ATAT1: variants seen among roughly 807,000 people sequenced by gnomAD.
The protein encoded by ATAT1 is alpha tubulin acetyltransferase 1, also known as alpha-tubulin N-acetyltransferase 1.
Under a neutral mutation model 57.2 loss-of-function variants are expected in ATAT1, and 42 were observed. The observed-to-expected ratio is 0.73, with a 90% CI of 0.57 to 0.95. The LOEUF is 0.95. Ranked by LOEUF, ATAT1 falls within the 40% of genes least tolerant of loss-of-function variation. The probability of loss-of-function intolerance (pLI) is 0.00; values close to 1 mark genes in which losing one functional copy is unlikely to be tolerated. For synonymous variants in ATAT1, 168 were observed against 187.1 expected (o/e 0.90, Z 0.83); for missense variants, 454 against 523.7 (o/e 0.87, Z 1.30).
Position 30,646,799 on chromosome 6 carries a change from A to G in ATAT1, c.*156A>G. The G allele has an allele frequency of 1.6e-6, 2 of 1,228,290 alleles. No homozygotes were observed. Among genetic ancestry groups the G allele is most frequent in the Non-Finnish European group, 2.2e-6 (2 of 926,676 alleles). 76.1% of individuals were successfully genotyped at this position (1,228,290 alleles called of 1,614,324 possible). A position where few individuals can be genotyped will look rare whatever the true frequency, so the allele number is the denominator to read the frequency against. ...ATTTGTATCTTTTAACCAGACCAATAAAAGTATTTATTTTTATCACAAGAG... is the reference window on the plus strand; with the variant it reads ...ATTTGTATCTTTTAACCAGACCAATGAAAGTATTTATTTTTATCACAAGAG... On this transcript the variant is annotated 3_prime_UTR_variant, in exon 13 of 13. Coordinates refer to ENST00000330083, the MANE Select transcript of ATAT1 (RefSeq NM_001031722.4).
intron 10 of ATAT1, chr6:30,644,606 C>T: frequency 1.0e-6 from 1 of 985,278 alleles, no homozygotes; most frequent in Non-Finnish European, 1.2e-6. Context: ...TCAGTGTTGT[C>T]TGAATAAAGT....
chr6:30,644,332 C>T (rs1474454949), intron 10 of ATAT1: 8 of 985,644 alleles, frequency 8.1e-6, no homozygotes, highest in Non-Finnish European at 9.6e-6. Flanking sequence ...TTGCATCCAT[C>T]CCTCCCTGGT....
At position 30,628,040 on chromosome 6, in the gene ATAT1, T is replaced by C. The variant is rs1299271957; in HGVS notation, c.294T>C (p.Arg98=). The C allele has an allele frequency of 6.2e-7, 1 of 1,612,964 alleles. No individual in the cohort carries two copies. The stretch of plus-strand genomic sequence containing the variant: ...TATTGTTTCTCTCTTAGGATGATCG[T>C]GAGGCTCATAATGAGGTAGAACCAC... The change falls in exon 5 of 13, where the codon CGT becomes CGC. Residue 98 remains arginine (R), a synonymous_variant. Coordinates refer to ENST00000330083, the MANE Select transcript of ATAT1 (RefSeq NM_001031722.4).
At chr6:30,641,351 C>T (rs917136860) in intron 8 of ATAT1, among the ~76,000 whole-genome samples, 2 of 152,216 alleles carry the variant, frequency 1.3e-5, no homozygotes, top group Non-Finnish European at 2.9e-5. Flanking sequence ...CACCTCAACT[C>T]GCTTTGGTTT....
chr6:30,641,884 T>C (rs3132608), intron 8 of ATAT1: 57,595 of 1,234,432 alleles, frequency 0.047, 2,524 homozygotes, highest in African/African-American at 0.2. Context: ...AGAGCTCACT[T>C]CCCTTGGCTG....
rs563394783 is a variant in ATAT1 at position 30,646,729 on chromosome 6, ACATTCATT to A, written c.*101_*108del. On this transcript the variant is annotated 3_prime_UTR_variant, in exon 13 of 13. Coordinates refer to ENST00000330083, the MANE Select transcript of ATAT1 (RefSeq NM_001031722.4). ...AGCCCAACCCTCATAATAGATGGAT[ACATTCATT>A]CATTCATTCATTCAGCAGGCTTATC... The A allele has an allele frequency of 4.3e-6, 6 of 1,398,260 alleles. No homozygotes were observed. In the African/African-American group the frequency reaches 4.4e-5, roughly 10 times the overall value. 86.6% of individuals were successfully genotyped at this position (1,398,260 alleles called of 1,614,324 possible).
chr6:30,640,343 T>C (rs1280033879), intron 6 of ATAT1, 34 bp from the exon 7 acceptor site: 3 of 1,609,902 alleles, frequency 1.9e-6, no homozygotes, highest in Non-Finnish European at 2.5e-6. Flanking sequence ...CGTTAAGTGA[T>C]GCATGATTGT....
At chr6:30,642,082 A>G in intron 8 of ATAT1, 94 bp from the exon 9 acceptor site, 2 of 1,594,352 alleles carry the variant, frequency 1.3e-6, no homozygotes, top group Non-Finnish European at 1.7e-6. Context: ...GGTGTCAGGG[A>G]GCAGAGGTTT....
At chr6:30,645,531 T>C (rs1766540546) in intron 10 of ATAT1, among the ~76,000 whole-genome samples, 3 of 152,178 alleles carry the variant, frequency 2.0e-5, no homozygotes, top group African/African-American at 2.4e-5. Flanking sequence ...AGGAATCTTA[T>C]AGTTAAGGTA....
At chr6:30,631,873 G>A (rs1184593461) in intron 6 of ATAT1, among the ~76,000 whole-genome samples, 1 of 152,166 alleles carries the variant, frequency 6.6e-6, no homozygotes, top group Non-Finnish European at 1.5e-5. Context: ...CCGTGAGGTG[G>A]GAGTGTGCCT....
intron 6 of ATAT1, among the ~76,000 whole-genome samples, chr6:30,635,149 G>A (rs1380179949): frequency 6.6e-6 from 1 of 152,174 alleles, no homozygotes; most frequent in East Asian, 1.9e-4. Context: ...TGAAATGGCT[G>A]CTTATTTATT....
chr6:30,646,585 T>C lies in ATAT1; in HGVS notation c.1172T>C (p.Ile391Thr). The C allele has an allele frequency of 6.3e-7, 1 of 1,578,692 alleles. No individual in the cohort carries two copies. Among genetic ancestry groups the C allele is most frequent in the African/African-American group, 1.3e-5 (1 of 74,120 alleles). The change falls in exon 13 of 13, where the codon ATA becomes ACA. Residue 391 changes from isoleucine to threonine, a missense_variant. This residue lies in a region of ATAT1 where 216 missense variants were observed against 222.2 expected (regional missense o/e 0.97). Transcript: ENST00000330083. ...CAGTCCTGGACAGTGGGTGGGGACA[T>C]ACTCAACGCCAGGTTCATTCGAAAC...
rs180846375 is a variant in ATAT1, at chr6:30,642,088, G to A, written c.617-88G>A. 5.8e-3 allele frequency: 9,357 copies of A among 1,601,142 alleles called. 46 individuals carry two copies. The highest frequency in any genetic ancestry group is 7.3e-3 in the Non-Finnish European group (8,503 of 1,170,992). On this transcript the variant is annotated intron_variant, in intron 8 of 12. Transcript: ENST00000330083. Reference sequence around the variant, plus strand: ...AGGAACTGTGGTGTCAGGGAGCAGAGGTTTGGGGTTGGGGTATAGTGGCTG... The same window carrying A: ...AGGAACTGTGGTGTCAGGGAGCAGAAGTTTGGGGTTGGGGTATAGTGGCTG...
chr6:30,645,256 G>T (rs1428850022), intron 10 of ATAT1, among the ~76,000 whole-genome samples: 2 of 147,540 alleles, frequency 1.4e-5, no homozygotes, highest in Non-Finnish European at 3.0e-5. Context: ...TTGCTCTGTC[G>T]CCAGGCTGGA....
At position 30,634,333 on chromosome 6, in the gene ATAT1, C is replaced by T. The variant is rs537216748; in HGVS notation, c.501+5903C>T. 2.0e-5 allele frequency among the ~76,000 whole-genome samples: 3 copies of T among 152,114 alleles called. No individual in the cohort carries two copies. The East Asian group carries it at 5.8e-4, about 29-fold the overall frequency. Reference sequence around the variant, plus strand: ...TGGTGCGATCTTGGCTCACCGCAAGCTCCACCTCCTGGGTTCAAGTGATTC... The same window carrying T: ...TGGTGCGATCTTGGCTCACCGCAAGTTCCACCTCCTGGGTTCAAGTGATTC... On this transcript the variant is annotated intron_variant, in intron 6 of 12. Transcript: ENST00000330083.
rs997305102 is a variant in ATAT1 at position 30,646,116 on chromosome 6, T to C, written c.1055+7T>C. On this transcript the variant is annotated splice_region_variant and intron_variant, in intron 12 of 12. Transcript: ENST00000330083. ...AACAGGAAACAAAGAATAGGTGAGG[T>C]CTAAACCCCTCCCCTAACAGCCTCC... The C allele has an allele frequency of 1.9e-6, 3 of 1,605,624 alleles. No individual in the cohort carries two copies. In the African/African-American group the frequency reaches 4.0e-5, roughly 22 times the overall value.
intron 6 of ATAT1, among the ~76,000 whole-genome samples, chr6:30,636,454 C>T (rs1424898954): frequency 1.3e-5 from 2 of 152,018 alleles, no homozygotes; most frequent in Non-Finnish European, 2.9e-5. Context: ...GGCGTGGTGG[C>T]AGGCGCCTGT....
chr6:30,634,044 T>C (rs2394390), intron 6 of ATAT1: 17,309 of 157,830 alleles, frequency 0.11, 1,726 homozygotes, highest in African/African-American at 0.26. Context: ...TAAACATGGT[T>C]GCCCTCGAGA....
In ATAT1 at chr6:30,645,943, T is replaced by C; in HGVS notation, c.981T>C (p.His327=). 1 of 1,539,078 alleles carries C rather than the reference T, an allele frequency of 6.5e-7. No homozygotes were observed. Among genetic ancestry groups the C allele is most frequent in the Non-Finnish European group, 8.8e-7 (1 of 1,142,024 alleles). The change falls in exon 11 of 13, where the codon CAT becomes CAC. Residue 327 remains histidine, a synonymous_variant. Coordinates refer to ENST00000330083, the MANE Select transcript of ATAT1 (RefSeq NM_001031722.4). ...CCCAAAGCTGCTGCTACAGCCGCCA[T>C]GGGGGGGTGAATTCCTCATCCCCCA...
Sources: gnomAD v4.1 joint callset for allele counts (sites outside exome capture counted in the v4.1 genomes callset) on GRCh38, gnomAD v4.1.1 for gene constraint, gnomAD v4.1.1 regional missense constraint, MANE v1.5 for transcripts, NCBI Gene and HGNC (gene_info 2026-07-23, HGNC 2026-07-21) for gene names.